SAXO4: variants seen among roughly 807,000 people sequenced by gnomAD.
SAXO4 encodes stabilizer of axonemal microtubules 4.
chr11:61,485,812 G>T, the SAXO4 span: 1 of 1,613,812 alleles, frequency 6.2e-7, no homozygotes, highest in Non-Finnish European at 8.5e-7. Flanking sequence ...TCTTGCAGAA[G>T]AAATCGATCG....
the SAXO4 span, chr11:61,486,682 G>A: frequency 1.4e-6 from 2 of 1,395,346 alleles, no homozygotes; most frequent in Non-Finnish European, 2.0e-6. Context: ...TGGCATTTGG[G>A]TCAGGCATTG....
the SAXO4 span, among the ~76,000 whole-genome samples, chr11:61,484,510 G>A: frequency 6.6e-6 from 1 of 151,926 alleles, no homozygotes; most frequent in South Asian, 2.1e-4. Flanking sequence ...GGAATTCCCT[G>A]CGAGTGTGAT....
chr11:61,488,290 A>G, the SAXO4 span, among the ~76,000 whole-genome samples: 5,750 of 142,324 alleles, frequency 0.04, 156 homozygotes, highest in Non-Finnish European at 0.056. Context: ...TCCTGCCAAG[A>G]AGTACAATTC....
At chr11:61,487,206 A>G in the SAXO4 span, 2 of 1,614,032 alleles carry the variant, frequency 1.2e-6, no homozygotes, top group South Asian at 1.1e-5. Context: ...TGATCCTGAC[A>G]GGGATCAGCG....
chr11:61,490,283 C>T, the SAXO4 span, among the ~76,000 whole-genome samples: 5 of 152,302 alleles, frequency 3.3e-5, no homozygotes, highest in East Asian at 5.8e-4. Flanking sequence ...GACTGTGGTT[C>T]GGCCTCACTC....
At chr11:61,484,810 C>A in the SAXO4 span, 1 of 1,589,782 alleles carries the variant, frequency 6.3e-7, no homozygotes, top group Admixed American at 1.8e-5. Context: ...GGGAGAACTT[C>A]CGACATGTGA....
chr11:61,487,836 G>A, the SAXO4 span, among the ~76,000 whole-genome samples: 1 of 152,204 alleles, frequency 6.6e-6, no homozygotes, highest in Admixed American at 6.5e-5. Context: ...TCTGTGCTGT[G>A]CATTCCCTGG....
At chr11:61,488,198 G>T in the SAXO4 span, among the ~76,000 whole-genome samples, 5 of 151,860 alleles carry the variant, frequency 3.3e-5, no homozygotes, top group African/African-American at 1.2e-4. Flanking sequence ...TGTTGGCCCG[G>T]CTGGTCTTGA....
At chr11:61,484,812 G>A in the SAXO4 span, 418 of 1,587,246 alleles carry the variant, frequency 2.6e-4, no homozygotes, top group Non-Finnish European at 3.2e-4. Flanking sequence ...GAGAACTTCC[G>A]ACATGTGAGT....
chr11:61,486,341 C>T, the SAXO4 span: 1,151 of 1,613,600 alleles, frequency 7.1e-4, 4 homozygotes, highest in South Asian at 1.3e-3. Flanking sequence ...GGCCTATTTC[C>T]AGGCCCTCCT....
chr11:61,481,576 A>G, the SAXO4 span, among the ~76,000 whole-genome samples: 2 of 152,182 alleles, frequency 1.3e-5, no homozygotes, highest in Non-Finnish European at 2.9e-5. Flanking sequence ...AAGGTGTGGG[A>G]AAGTGAGAGG....
the SAXO4 span, chr11:61,489,901 C>T: frequency 3.1e-6 from 5 of 1,613,774 alleles, no homozygotes; most frequent in East Asian, 4.5e-5. Context: ...GAGGCCACCC[C>T]CAACCCCATG....
At chr11:61,489,099 C>G in the SAXO4 span, 2 of 152,394 alleles carry the variant, frequency 1.3e-5, no homozygotes, top group African/African-American at 2.4e-5. Context: ...AGCTTCCGCC[C>G]GCACAGCAGA....
At chr11:61,488,584 C>T in the SAXO4 span, among the ~76,000 whole-genome samples, 1 of 152,180 alleles carries the variant, frequency 6.6e-6, no homozygotes, top group Admixed American at 6.5e-5. Context: ...GGACAAACTC[C>T]GAGCCAGGAA....
At chr11:61,484,095 T>A in the SAXO4 span, among the ~76,000 whole-genome samples, 1 of 151,102 alleles carries the variant, frequency 6.6e-6, no homozygotes, top group African/African-American at 2.4e-5. Context: ...AAAAAAAAAA[T>A]AGCCAGGTGT....
At chr11:61,482,341 G>A in the SAXO4 span, 1 of 1,614,190 alleles carries the variant, frequency 6.2e-7, no homozygotes, top group Non-Finnish European at 8.5e-7. Context: ...CGTGTGGGCA[G>A]TCACGTAGGC....
At chr11:61,488,301 C>T in the SAXO4 span, among the ~76,000 whole-genome samples, 829 of 107,402 alleles carry the variant, frequency 7.7e-3, 5 homozygotes, top group Admixed American at 0.012. Context: ...AGTACAATTC[C>T]TTTTTTTTTT....
the SAXO4 span, chr11:61,489,978 C>G: frequency 1.3e-6 from 2 of 1,583,362 alleles, no homozygotes; most frequent in African/African-American, 1.3e-5. Flanking sequence ...TTCTTTCTCC[C>G]TACCCCTCAT....
At chr11:61,482,637 G>T in the SAXO4 span, 1 of 1,613,772 alleles carries the variant, frequency 6.2e-7, no homozygotes. Context: ...TGGGGTTCTA[G>T]CTCCTCCTCA....
Sources: allele counts gnomAD v4.1 joint callset (sites outside exome capture counted in the v4.1 genomes callset), GRCh38; gene constraint gnomAD v4.1.1; transcripts MANE v1.5; gene names NCBI Gene and HGNC (gene_info 2026-07-23, HGNC 2026-07-21).